NEBL: variants seen among roughly 807,000 people sequenced by gnomAD.
The protein encoded by NEBL is nebulette.
A neutral mutation model predicts 140.2 loss-of-function variants in NEBL; 122 were observed. That is an observed-to-expected ratio of 0.87 (90% CI 0.75 to 1.01). The LOEUF is 1.01. NEBL is among the 50% of genes least tolerant of loss of function. The pLI, the probability that NEBL is intolerant of heterozygous loss-of-function variation, is 0.00. For missense variants in NEBL, 1,365 were observed against 1,231.3 expected (o/e 1.11, Z -1.62); for synonymous variants, 436 against 398.9 (o/e 1.09, Z -1.11).
chr10:21,131,246 T>C (rs1442331143), intron 2 of NEBL, among the ~76,000 whole-genome samples: 1 of 152,178 alleles, frequency 6.6e-6, no homozygotes, highest in Non-Finnish European at 1.5e-5. Context: ...GATCAATCAT[T>C]AACAATCTTT....
chr10:20,843,294 A>G (rs902411252), intron 12 of NEBL, among the ~76,000 whole-genome samples: 5 of 152,066 alleles, frequency 3.3e-5, no homozygotes, highest in Admixed American at 6.6e-5. Context: ...AGTCTCCAGA[A>G]CTTTGAGAAA....
intron 2 of NEBL, among the ~76,000 whole-genome samples, chr10:21,071,976 A>G (rs1835837403): frequency 6.6e-6 from 1 of 151,950 alleles, no homozygotes. Flanking sequence ...CTGCCACCAC[A>G]CCCAGCTAAT....
At chr10:21,097,818 T>A (rs974450230) in intron 2 of NEBL, among the ~76,000 whole-genome samples, 2 of 152,182 alleles carry the variant, frequency 1.3e-5, no homozygotes, top group African/African-American at 4.8e-5. Context: ...GCCCAATAAA[T>A]GAAGACATTG....
At chr10:20,817,463 C>A in intron 21 of NEBL, 137 bp downstream of exon 21, 1 of 812,906 alleles carries the variant, frequency 1.2e-6, no homozygotes, top group South Asian at 1.5e-5. Context: ...TCCCCGAAAT[C>A]TTTCAAATAA....
intron 5 of NEBL, among the ~76,000 whole-genome samples, chr10:20,877,233 G>C (rs944690845): frequency 3.9e-5 from 6 of 152,140 alleles, no homozygotes; most frequent in African/African-American, 1.4e-4. Context: ...ATACTTGTGA[G>C]AATCTTCAGA....
intron 24 of NEBL, among the ~76,000 whole-genome samples, chr10:20,810,931 G>C (rs1044238434): frequency 3.9e-5 from 6 of 152,158 alleles, no homozygotes; most frequent in Non-Finnish European, 8.8e-5. Flanking sequence ...TGAGGAAACT[G>C]AGGCACAGAG....
At chr10:21,140,826 C>A (rs1288185242) in intron 2 of NEBL, among the ~76,000 whole-genome samples, 1 of 151,908 alleles carries the variant, frequency 6.6e-6, no homozygotes, top group African/African-American at 2.4e-5. Flanking sequence ...AGCATTAGGA[C>A]AAATATCTAA....
At chr10:21,002,314 A>G (rs911234115) in intron 3 of NEBL, among the ~76,000 whole-genome samples, 1 of 152,170 alleles carries the variant, frequency 6.6e-6, no homozygotes, top group Non-Finnish European at 1.5e-5. Flanking sequence ...AGAATTGCAG[A>G]TTACTTTCCA....
intron 8 of NEBL, among the ~76,000 whole-genome samples, chr10:20,859,087 T>C (rs975219519): frequency 6.6e-6 from 1 of 152,140 alleles, no homozygotes; most frequent in African/African-American, 2.4e-5. Context: ...ATTTTTATAC[T>C]TGAGAAGGAA....
chr10:21,036,196 C>A (rs1201423749), intron 2 of NEBL, among the ~76,000 whole-genome samples: 1 of 152,022 alleles, frequency 6.6e-6, no homozygotes, highest in Non-Finnish European at 1.5e-5. Flanking sequence ...CACAGTGGCT[C>A]ATGCCTAAAA....
chr10:21,092,836 C>G (rs1432452327), intron 2 of NEBL, among the ~76,000 whole-genome samples: 1 of 152,002 alleles, frequency 6.6e-6, no homozygotes, highest in African/African-American at 2.4e-5. Context: ...AAAGCCTTTG[C>G]CTTTTCACCA....
intron 26 of NEBL, among the ~76,000 whole-genome samples, chr10:20,807,215 A>C (rs999145231): frequency 3.3e-5 from 5 of 152,134 alleles, no homozygotes; most frequent in African/African-American, 1.2e-4. Flanking sequence ...AGACCCACCT[A>C]CTCAGGCGGC....
In NEBL at chr10:20,880,800, C is replaced by T; in HGVS notation, c.474G>A (p.Gln158=). 6.2e-7 allele frequency: 1 copy of T among 1,608,144 alleles called. No individual in the cohort carries two copies. Among genetic ancestry groups the T allele is most frequent in the Non-Finnish European group, 8.5e-7 (1 of 1,174,552 alleles). The change falls in exon 5 of 28, where the codon CAG becomes CAA. Residue 158 remains glutamine (Q), a synonymous_variant. Transcript: ENST00000377122. ...VKHAMEVNKH[Q]SNISYRKDVQ... ...GAGAAATGCGCTTCCTTACATTACT[C>T]TGGTGTTTATTGACCTCCATGGCAT... is the stretch of plus-strand genomic sequence containing the variant.
intron 3 of NEBL, among the ~76,000 whole-genome samples, chr10:20,997,468 C>T (rs1234481938): frequency 2.2e-5 from 1 of 44,914 alleles, no homozygotes; most frequent in East Asian, 5.7e-4. Flanking sequence ...CGCACAGTCT[C>T]AGTAAAAAAA....
At chr10:20,919,967 G>A (rs1398271523) in intron 4 of NEBL, among the ~76,000 whole-genome samples, 1 of 71,048 alleles carries the variant, frequency 1.4e-5, no homozygotes, top group Non-Finnish European at 3.0e-5. Flanking sequence ...TCTAAAAATT[G>A]AGAAAAAAAA....
At chr10:20,966,508 A>T (rs1322380683) in intron 3 of NEBL, among the ~76,000 whole-genome samples, 1 of 152,226 alleles carries the variant, frequency 6.6e-6, no homozygotes, top group Non-Finnish European at 1.5e-5. Flanking sequence ...CTTTTCACTA[A>T]ATTTTAAAAA....
chr10:21,244,084 T>C (rs979232151), intron 3 of NEBL, among the ~76,000 whole-genome samples: 1 of 152,168 alleles, frequency 6.6e-6, no homozygotes, highest in Non-Finnish European at 1.5e-5. Context: ...AAAATAATAA[T>C]GAAAATCAGC....
intron 2 of NEBL, among the ~76,000 whole-genome samples, chr10:21,054,121 T>G (rs1256426591): frequency 1.3e-5 from 2 of 152,064 alleles, no homozygotes; most frequent in Non-Finnish European, 2.9e-5. Context: ...AAAATTGAAA[T>G]TTTTGCAAAA....
chr10:21,105,652 T>C (rs982548168), intron 2 of NEBL, among the ~76,000 whole-genome samples: 3 of 152,192 alleles, frequency 2.0e-5, no homozygotes, highest in Non-Finnish European at 4.4e-5. Context: ...AACATATGTG[T>C]GCATGTGTCT....
Sources: allele counts gnomAD v4.1 joint callset (sites outside exome capture counted in the v4.1 genomes callset), GRCh38; gene constraint gnomAD v4.1.1; transcripts MANE v1.5; gene names NCBI Gene and HGNC (gene_info 2026-07-23, HGNC 2026-07-21).